PHACTR4: variants seen among roughly 807,000 people sequenced by gnomAD.
The protein encoded by PHACTR4 is phosphatase and actin regulator 4.
PHACTR4 carries 51 observed loss-of-function variants against 72.7 expected under a neutral mutation model. That is an observed-to-expected ratio of 0.70 (90% CI 0.56 to 0.89). The LOEUF (loss-of-function observed/expected upper bound fraction) is 0.89. PHACTR4 is among the 40% of genes least tolerant of loss of function. The pLI, the probability that PHACTR4 is intolerant of heterozygous loss-of-function variation, is 0.00. For synonymous variants in PHACTR4, 255 were observed against 302.5 expected, an observed-to-expected ratio of 0.84 and a Z score of 1.63; for missense variants, 731 against 861.8, an observed-to-expected ratio of 0.85 and a Z score of 1.90.
At chr1:28,370,623 A>AAAAAAAAAAC (rs1651168129) in intron 1 of PHACTR4, among the ~76,000 whole-genome samples, 1 of 151,122 alleles carries the variant, frequency 6.6e-6, no homozygotes. Flanking sequence ...AAAAAAAAAA[A>AAAAAAAAAAC]CCCTCCAGTG....
intron 2 of PHACTR4, among the ~76,000 whole-genome samples, chr1:28,432,070 G>A (rs1227515161): frequency 2.0e-5 from 3 of 152,070 alleles, no homozygotes; most frequent in Non-Finnish European, 4.4e-5. Context: ...TTAGCTGGGT[G>A]TGGTGGCTCA....
intron 2 of PHACTR4, among the ~76,000 whole-genome samples, chr1:28,424,608 C>T (rs1011748641): frequency 2.6e-5 from 4 of 152,106 alleles, no homozygotes; most frequent in African/African-American, 9.7e-5. Context: ...CCTGCCTCAG[C>T]CTCCCAAGTA....
intron 1 of PHACTR4, among the ~76,000 whole-genome samples, chr1:28,385,190 T>C (rs1160499320): frequency 6.6e-6 from 1 of 152,166 alleles, no homozygotes; most frequent in Non-Finnish European, 1.5e-5. Context: ...ATGATATATC[T>C]TTGTTTTCAT....
At chr1:28,422,969 A>C (rs982591941) in intron 2 of PHACTR4, among the ~76,000 whole-genome samples, 5 of 152,182 alleles carry the variant, frequency 3.3e-5, no homozygotes, top group Non-Finnish European at 7.3e-5. Context: ...TTGTAGTTTT[A>C]GTAGAGACGG....
Position 28,474,049 on chromosome 1 carries a change from G to A in PHACTR4, c.1319G>A (p.Arg440Lys). The change falls in exon 7 of 14, where the codon AGA (arginine) becomes AAA (lysine). Residue 440 changes from arginine to lysine, a missense_variant. Transcript: ENST00000373839. ...PMTPILEGSH[R>K]AHSLLFENSD... Reference sequence around the variant, plus strand: ...ACTCCTATTCTGGAGGGTTCTCACAGAGCTCATTCGTTGCTTTTTGAAAAC... The same window carrying A: ...ACTCCTATTCTGGAGGGTTCTCACAAAGCTCATTCGTTGCTTTTTGAAAAC... 1 of 1,614,172 alleles carries A rather than the reference G, an allele frequency of 6.2e-7. No homozygotes were observed. The highest frequency in any genetic ancestry group is 8.5e-7 in the Non-Finnish European group (1 of 1,180,034).
intron 10 of PHACTR4, chr1:28,489,706 G>C (rs185344307): frequency 1.2e-5 from 6 of 507,196 alleles, no homozygotes; most frequent in Non-Finnish European, 2.4e-5. Context: ...TTAATTTGCT[G>C]TCTGTGTACA....
At chr1:28,444,849 G>C (rs184016393) in intron 2 of PHACTR4, among the ~76,000 whole-genome samples, 206 of 148,516 alleles carry the variant, frequency 1.4e-3, no homozygotes, top group African/African-American at 4.9e-3. Context: ...GGATGGTCTC[G>C]ATCTCCTGAC....
intron 1 of PHACTR4, among the ~76,000 whole-genome samples, chr1:28,382,110 A>G (rs1476743481): frequency 6.6e-6 from 1 of 152,046 alleles, no homozygotes; most frequent in Non-Finnish European, 1.5e-5. Context: ...TTCTTCTTAC[A>G]AATTTGTTTA....
At chr1:28,480,845 C>T (rs1411260980) in intron 9 of PHACTR4, among the ~76,000 whole-genome samples, 4 of 152,038 alleles carry the variant, frequency 2.6e-5, no homozygotes, top group African/African-American at 4.8e-5. Context: ...CCTGCCACCA[C>T]GCCAGGCTAA....
At chr1:28,399,157 C>T (rs113962836) in intron 1 of PHACTR4, among the ~76,000 whole-genome samples, 16 of 152,026 alleles carry the variant, frequency 1.1e-4, no homozygotes, top group African/African-American at 3.6e-4. Context: ...ACTAAAAATA[C>T]AAAAATTAGC....
At chr1:28,413,381 C>T (rs893085050) in intron 2 of PHACTR4, among the ~76,000 whole-genome samples, 7 of 152,134 alleles carry the variant, frequency 4.6e-5, no homozygotes, top group South Asian at 2.1e-4. Flanking sequence ...AGAGGTGGTA[C>T]GCAACTGTCA....
chr1:28,423,818 G>A (rs1028103613), intron 2 of PHACTR4, among the ~76,000 whole-genome samples: 12 of 152,220 alleles, frequency 7.9e-5, no homozygotes, highest in African/African-American at 1.2e-4. Flanking sequence ...TAGAATAATC[G>A]TTGGGATTAT....
chr1:28,378,198 TAA>T (rs60280611), intron 1 of PHACTR4, among the ~76,000 whole-genome samples: 21 of 76,354 alleles, frequency 2.8e-4, no homozygotes, highest in Non-Finnish European at 2.9e-4. Flanking sequence ...CTCCATCTCA[TAA>T]AAAAAAAAAA....
Position 28,459,181 on chromosome 1 carries a change from C to T in PHACTR4, c.113C>T (p.Ser38Leu), listed in dbSNP as rs564637677. 2 of 1,613,682 alleles carry T rather than the reference C, an allele frequency of 1.2e-6. 1 individual carries two copies. The highest frequency in any genetic ancestry group is 2.2e-5 in the South Asian group (2 of 91,074). ...CCTACCAAAAGGAAGAGCAAGTTCT[C>T]AGGCTTTGGCAAGATCTTCAAGCCC... is the stretch of plus-strand genomic sequence containing the variant. ...TPPTKRKSKF[S>L]GFGKIFKPWK... is the part of the protein sequence containing the mutation. The change falls in exon 3 of 14, where the codon TCA becomes TTA. Residue 38 changes from serine to leucine, a missense_variant. By Grantham distance (145) the Ser-to-Leu change is moderately radical. Coordinates refer to ENST00000373839, the MANE Select transcript of PHACTR4 (RefSeq NM_001048183.3).
At chr1:28,437,908 C>T (rs970295625) in intron 2 of PHACTR4, among the ~76,000 whole-genome samples, 7 of 152,146 alleles carry the variant, frequency 4.6e-5, no homozygotes, top group African/African-American at 1.7e-4. Flanking sequence ...CTCCTATTAG[C>T]CTTTTACTCA....
chr1:28,395,818 ATTTT>A (rs754161784), intron 1 of PHACTR4, among the ~76,000 whole-genome samples: 7 of 75,014 alleles, frequency 9.3e-5, no homozygotes, highest in African/African-American at 4.8e-4. Context: ...CGCCTGGCTA[ATTTT>A]TTTTTTTTTT....
rs925092272 is a variant in PHACTR4 at position 28,498,547 on chromosome 1, C to G, written c.*1998C>G. 1 of 152,132 alleles carries G rather than the reference C, an allele frequency of 6.6e-6. No homozygotes were observed. Among genetic ancestry groups the G allele is most frequent in the African/African-American group, 2.4e-5 (1 of 41,438 alleles). 9.4% of individuals were successfully genotyped at this position (152,132 alleles called of 1,614,324 possible). A position where few individuals can be genotyped will look rare whatever the true frequency, so the allele number is the denominator to read the frequency against. ...AAAACCATACAGTCTCACTGTTTTG[C>G]TTTAATTCCTATCCACACTATAAAT... On this transcript the variant is annotated 3_prime_UTR_variant, in exon 14 of 14. Transcript: ENST00000373839.
At chr1:28,457,450 G>C (rs1557828055) in intron 2 of PHACTR4, 1 of 315,706 alleles carries the variant, frequency 3.2e-6, no homozygotes, top group East Asian at 8.2e-5. Flanking sequence ...AATTGTTTTT[G>C]TAATTAGCCA....
chr1:28,425,121 A>G (rs1655756567), intron 2 of PHACTR4, among the ~76,000 whole-genome samples: 1 of 150,096 alleles, frequency 6.7e-6, no homozygotes, highest in South Asian at 2.1e-4. Context: ...TTATTTATTT[A>G]TGTATTTCTT....
Sources: gnomAD v4.1 joint callset for allele counts (sites outside exome capture counted in the v4.1 genomes callset) on GRCh38, gnomAD v4.1.1 for gene constraint, MANE v1.5 for transcripts, NCBI Gene and HGNC (gene_info 2026-07-23, HGNC 2026-07-21) for gene names.